GSE1: variants seen among roughly 807,000 people sequenced by gnomAD.
The protein encoded by GSE1 is Gse1 coiled-coil protein, also known as genetic suppressor element 1.
A neutral mutation model predicts 112.6 loss-of-function variants in GSE1; 32 were observed. The ratio of observed to expected loss-of-function variants is 0.28; its 90% CI spans 0.21 to 0.38. The LOEUF is 0.38. GSE1 is among the 10% of genes least tolerant of loss of function. GSE1 has a pLI of 1.00. For missense variants in GSE1, 2,348 were observed against 1,699.2 expected (o/e 1.38, Z -6.71); for synonymous variants, 1,115 against 735.6 (o/e 1.52, Z -8.35).
intron 2 of GSE1, among the ~76,000 whole-genome samples, chr16:85,467,494 G>A (rs1002355381): frequency 7.9e-5 from 12 of 152,184 alleles, no homozygotes; most frequent in Non-Finnish European, 1.6e-4. Context: ...GCTGGGTTGG[G>A]GAGCATCTTG....
At chr16:85,612,718 G>C (rs1327878085), upstream of GSE1, among the ~76,000 whole-genome samples, 1 of 151,986 alleles carries the variant, frequency 6.6e-6, no homozygotes, top group Non-Finnish European at 1.5e-5. Context: ...TGGGGCTTGG[G>C]TACACAGTCT....
intron 1 of GSE1, among the ~76,000 whole-genome samples, chr16:85,279,439 T>C (rs2044788658): frequency 6.6e-6 from 1 of 152,162 alleles, no homozygotes; most frequent in African/African-American, 2.4e-5. Flanking sequence ...AGACCCTGTC[T>C]CTACAAAAAG....
chr16:85,228,713 T>A (rs577292801), intron 1 of GSE1, among the ~76,000 whole-genome samples: 19 of 152,218 alleles, frequency 1.2e-4, no homozygotes, highest in African/African-American at 4.6e-4. Flanking sequence ...AGAGAGCAGA[T>A]CTGCCGTGGC....
At chr16:85,236,734 T>C (rs2143890355) in intron 1 of GSE1, among the ~76,000 whole-genome samples, 1 of 152,270 alleles carries the variant, frequency 6.6e-6, no homozygotes, top group East Asian at 1.9e-4. Context: ...GCCAAAGTTC[T>C]CTCTCCAGCC....
chr16:85,436,991 CGGA>C (rs2049262374), intron 2 of GSE1, among the ~76,000 whole-genome samples: 1 of 152,150 alleles, frequency 6.6e-6, no homozygotes, highest in Non-Finnish European at 1.5e-5. Flanking sequence ...GTCGACGCGG[CGGA>C]GCCCGGGCAG....
Position 85,482,120 on chromosome 16 carries a change from G to A in GSE1, c.2464+124477G>A, listed in dbSNP as rs1353617767. Among the ~76,000 whole-genome samples the A allele has an allele frequency of 4.6e-5, 7 of 152,354 alleles. No individual in the cohort carries two copies. The East Asian group carries it at 1.2e-3, about 25-fold the overall frequency. On this transcript the variant is annotated intron_variant, in intron 2 of 2. Coordinates refer to the GSE1 transcript ENST00000637419. ...TGTCATGTTTGTTCGGGACCCAGGCGGCTGTAGGAGGGAGGCCTTGGCATG... is the reference window on the plus strand; with the variant it reads ...TGTCATGTTTGTTCGGGACCCAGGCAGCTGTAGGAGGGAGGCCTTGGCATG...
chr16:85,658,338 C>T (rs922229493), intron 8 of GSE1, among the ~76,000 whole-genome samples: 3 of 152,202 alleles, frequency 2.0e-5, no homozygotes, highest in African/African-American at 7.2e-5. Flanking sequence ...AGCTCTGCTC[C>T]AGGCCCAGCT....
chr16:85,476,889 A>G (rs544244157), intron 2 of GSE1, among the ~76,000 whole-genome samples: 16 of 148,318 alleles, frequency 1.1e-4, no homozygotes, highest in Non-Finnish European at 1.6e-4. Flanking sequence ...TCGAGGCTAC[A>G]GGTGTGAGCT....
chr16:85,470,441 C>T (rs555311339), intron 2 of GSE1, among the ~76,000 whole-genome samples: 136 of 152,284 alleles, frequency 8.9e-4, no homozygotes, highest in African/African-American at 3.1e-3. Context: ...GTGTCTCTTT[C>T]CCGAGTGACA....
chr16:85,561,754 G>C (rs183401583), intron 1 of GSE1, among the ~76,000 whole-genome samples: 271 of 152,328 alleles, frequency 1.8e-3, no homozygotes, highest in Non-Finnish European at 3.1e-3. Flanking sequence ...TGACCATCCT[G>C]GGAGGGGCTT....
At chr16:85,189,305 CAT>C (rs985143145) in intron 1 of GSE1, among the ~76,000 whole-genome samples, 105 of 152,292 alleles carry the variant, frequency 6.9e-4, no homozygotes, top group African/African-American at 2.4e-3. Context: ...CTGATTGACT[CAT>C]ATGTGTAAGC....
chr16:85,613,360 T>C lies in GSE1; in HGVS notation c.-32T>C. 6.4e-7 allele frequency: 1 copy of C among 1,569,244 alleles called. No homozygotes were observed. Among genetic ancestry groups the C allele is most frequent in the South Asian group, 1.2e-5 (1 of 85,528 alleles). On this transcript the variant is annotated 5_prime_UTR_variant, in exon 1 of 16. Transcript: ENST00000253458. ...ACTGGGCGACGGTGGCTCCAGCATG[T>C]ATCAGCCGAGGTGGAGCTGCGGGGC...
chr16:85,633,917 T>G lies in GSE1; in HGVS notation c.11T>G (p.Met4Arg). 2 of 1,608,886 alleles carry G rather than the reference T, an allele frequency of 1.2e-6. No homozygotes were observed. The highest frequency in any genetic ancestry group is 1.7e-6 in the Non-Finnish European group (2 of 1,177,814). MKGMSHEPKSPSLG... is the reference protein window; with the variant it reads MKGRSHEPKSPSLG... ...GGTTCTTCTTTTCCTGTTTCAGGCA[T>G]GAGCCATGAGCCCAAGTCCCCTTCG... The change falls in exon 2 of 16, where the codon ATG (methionine) becomes AGG (arginine). Residue 4 changes from methionine to arginine, a missense_variant. Coordinates refer to ENST00000253458, the MANE Select transcript of GSE1 (RefSeq NM_014615.5).
At chr16:85,383,225 C>T (rs1597552465) in intron 2 of GSE1, among the ~76,000 whole-genome samples, 1 of 151,836 alleles carries the variant, frequency 6.6e-6, no homozygotes, top group African/African-American at 2.4e-5. Context: ...TACATAAACA[C>T]ACACATTCAC....
intron 1 of GSE1, among the ~76,000 whole-genome samples, chr16:85,181,086 A>G (rs543743464): frequency 1.3e-5 from 2 of 152,324 alleles, no homozygotes; most frequent in East Asian, 1.9e-4. Flanking sequence ...ATGCCGGGCC[A>G]TGTGTCTGGT....
intron 2 of GSE1, among the ~76,000 whole-genome samples, chr16:85,500,728 CG>C (rs1017456168): frequency 6.6e-6 from 1 of 152,194 alleles, no homozygotes; most frequent in African/African-American, 2.4e-5. Context: ...GTACCAAAAC[CG>C]GGGGATGGAG....
At chr16:85,596,514 C>T (rs1011197529) in intron 1 of GSE1, among the ~76,000 whole-genome samples, 5 of 152,254 alleles carry the variant, frequency 3.3e-5, no homozygotes, top group African/African-American at 1.2e-4. Context: ...ATACACCTCA[C>T]AGACCAAATA....
chr16:85,394,734 C>T (rs1027174193), intron 2 of GSE1, among the ~76,000 whole-genome samples: 1 of 152,224 alleles, frequency 6.6e-6, no homozygotes, highest in Non-Finnish European at 1.5e-5. Flanking sequence ...TCCGTCTCCC[C>T]CGAGAACATC....
chr16:85,442,320 G>T (rs898833493), intron 2 of GSE1, among the ~76,000 whole-genome samples: 1 of 152,132 alleles, frequency 6.6e-6, no homozygotes, highest in African/African-American at 2.4e-5. Context: ...CTTGTTTACC[G>T]TCCTGGCCCC....
Sources: gnomAD v4.1 joint callset for allele counts (sites outside exome capture counted in the v4.1 genomes callset) on GRCh38, gnomAD v4.1.1 for gene constraint, MANE v1.5 for transcripts, NCBI Gene and HGNC (gene_info 2026-07-23, HGNC 2026-07-21) for gene names.